Variants in DYSF observed in about 807,000 individuals in gnomAD.
DYSF encodes the protein dystrophy-associated fer-1-like 1.
A neutral mutation model predicts 274.9 loss-of-function variants in DYSF; 212 were observed. That is an observed-to-expected ratio of 0.77 (90% CI 0.69 to 0.86). DYSF has a LOEUF of 0.86. DYSF is among the 40% of genes least tolerant of loss of function. DYSF has a pLI of 0.00. For synonymous variants in DYSF, 1,091 were observed against 1,078.7 expected, an observed-to-expected ratio of 1.01 and a Z score of -0.22; for missense variants, 2,666 against 2,783.2, an observed-to-expected ratio of 0.96 and a Z score of 0.95.
chr2:71,667,613 G>A, intron 48 of DYSF, 98 bp downstream of exon 48: 1 of 1,549,480 alleles, frequency 6.5e-7, no homozygotes, highest in South Asian at 1.2e-5. Context: ...TGGGTCCCTT[G>A]AGATTTGGTC....
intron 29 of DYSF, among the ~76,000 whole-genome samples, chr2:71,571,070 A>G (rs1400524168): frequency 7.0e-5 from 10 of 142,246 alleles, no homozygotes; most frequent in African/African-American, 3.0e-4. Context: ...CACACCCAGC[A>G]CACAGATTAC....
rs182208846 is a variant in DYSF, at chr2:71,620,173, A to G, written c.4465-374A>G. Reference sequence around the variant, plus strand: ...GGGTTGGAGTGTCCCTGAAATAGGCAGATTTTGGAGAGGGAGGGAGGACAT... The same window carrying G: ...GGGTTGGAGTGTCCCTGAAATAGGCGGATTTTGGAGAGGGAGGGAGGACAT... On this transcript the variant is annotated intron_variant, in intron 40 of 55. Transcript: ENST00000410020. Among the ~76,000 whole-genome samples the G allele has an allele frequency of 2.3e-3, 351 of 152,246 alleles. 2 individuals carry two copies. Among genetic ancestry groups the G allele is most frequent in the Middle Eastern group, 0.021 (6 of 292 alleles).
intron 3 of DYSF, among the ~76,000 whole-genome samples, chr2:71,491,449 G>C (rs898159478): frequency 6.6e-6 from 1 of 152,208 alleles, no homozygotes; most frequent in Non-Finnish European, 1.5e-5. Flanking sequence ...GGGTACAGGT[G>C]CAGGTTTCTT....
intron 42 of DYSF, among the ~76,000 whole-genome samples, chr2:71,654,781 T>TA (rs1156653157): frequency 6.8e-6 from 1 of 147,634 alleles, no homozygotes; most frequent in African/African-American, 2.5e-5. Context: ...ATCATTAGGT[T>TA]AAAAAACAAG....
intron 5 of DYSF, 41 bp from the exon 6 acceptor site, chr2:71,513,199 C>T (rs1438210446): frequency 6.5e-7 from 1 of 1,546,164 alleles, no homozygotes; most frequent in East Asian, 2.4e-5. Context: ...ACCCCAACCT[C>T]CTCCCTCCCC....
intron 10 of DYSF, among the ~76,000 whole-genome samples, chr2:71,519,092 CAAAAAAAA>C (rs70959240): frequency 0.049 from 2,911 of 59,648 alleles, 62 homozygotes; most frequent in Admixed American, 0.086. Flanking sequence ...CACTCCATCT[CAAAAAAAA>C]AAAAAAAAAA....
At chr2:71,665,104 C>T (rs2094971523) in intron 46 of DYSF, 58 bp from the exon 47 acceptor site, 3 of 1,610,218 alleles carry the variant, frequency 1.9e-6, no homozygotes, top group Non-Finnish European at 2.5e-6. Context: ...CTGCATGCCC[C>T]TCTACCCTCA....
At chr2:71,660,709 C>CT in intron 45 of DYSF, 58 bp downstream of exon 45, 1 of 1,421,448 alleles carries the variant, frequency 7.0e-7, no homozygotes, top group Non-Finnish European at 9.9e-7. Context: ...AACCCACAGT[C>CT]TAGTGGGGGA....
rs143031134 is a variant in DYSF at position 71,506,153 on chromosome 2, T to G, written c.345+2834T>G. Among the ~76,000 whole-genome samples, 9 of 152,248 alleles carry G rather than the reference T, an allele frequency of 5.9e-5. 1 individual carries two copies. In the East Asian group the frequency reaches 1.7e-3, roughly 29 times the overall value. On this transcript the variant is annotated intron_variant, in intron 4 of 55. Coordinates refer to ENST00000410020, the MANE Select transcript of DYSF (RefSeq NM_001130987.2). ...AGTGGGCTGGTCTGGGTTTTGGTTTTGATGAGCTCAGTGTTGGAGAGCTGT... is the reference window on the plus strand; with the variant it reads ...AGTGGGCTGGTCTGGGTTTTGGTTTGGATGAGCTCAGTGTTGGAGAGCTGT...
intron 41 of DYSF, among the ~76,000 whole-genome samples, chr2:71,637,087 T>C (rs1233039792): frequency 6.6e-6 from 1 of 152,150 alleles, no homozygotes; most frequent in Non-Finnish European, 1.5e-5. Flanking sequence ...TTCTAGAAGT[T>C]TTTCTATAAA....
chr2:71,611,010 G>C, intron 36 of DYSF: 1 of 577,414 alleles, frequency 1.7e-6, no homozygotes, highest in Non-Finnish European at 3.2e-6. Context: ...GTTGGAACAA[G>C]GTGACCTGAA....
At chr2:71,487,335 A>G (rs2083444227) in intron 3 of DYSF, among the ~76,000 whole-genome samples, 1 of 152,114 alleles carries the variant, frequency 6.6e-6, no homozygotes, top group Non-Finnish European at 1.5e-5. Flanking sequence ...TGCATCTAGA[A>G]ATGACCTGGG....
chr2:71,610,553 G>T (rs147571321), intron 36 of DYSF, among the ~76,000 whole-genome samples: 1 of 152,236 alleles, frequency 6.6e-6, no homozygotes, highest in Non-Finnish European at 1.5e-5. Context: ...ACTCTTTCTG[G>T]CAAACTCTTA....
intron 30 of DYSF, among the ~76,000 whole-genome samples, chr2:71,575,006 G>C (rs1177974003): frequency 6.6e-6 from 1 of 152,198 alleles, no homozygotes; most frequent in African/African-American, 2.4e-5. Context: ...CCACTCTGCT[G>C]CTCTGGGGAA....
chr2:71,561,004 C>T (rs73942328), intron 22 of DYSF, among the ~76,000 whole-genome samples: 3,529 of 152,230 alleles, frequency 0.023, 146 homozygotes, highest in African/African-American at 0.079. Flanking sequence ...CTTGGAATGG[C>T]GAGGAGGAGC....
At chr2:71,672,742 G>A (rs2095150632) in intron 51 of DYSF, among the ~76,000 whole-genome samples, 1 of 152,226 alleles carries the variant, frequency 6.6e-6, no homozygotes, top group Non-Finnish European at 1.5e-5. Context: ...GGAGGCTGCT[G>A]GCGGGCCATG....
intron 42 of DYSF, among the ~76,000 whole-genome samples, chr2:71,646,635 A>G (rs1353829207): frequency 2.0e-5 from 3 of 152,214 alleles, no homozygotes; most frequent in Non-Finnish European, 2.9e-5. Context: ...AACAACTCCT[A>G]ATCTAAATAG....
chr2:71,507,129 T>C (rs770629873), intron 4 of DYSF, among the ~76,000 whole-genome samples: 1 of 152,136 alleles, frequency 6.6e-6, no homozygotes. Flanking sequence ...GAGCTGGCAC[T>C]GGGCACGGTG....
chr2:71,617,757 AGGTGGTGTGTGTGGTAGAGGT>A (rs2093927410), intron 40 of DYSF, among the ~76,000 whole-genome samples: 1 of 72,820 alleles, frequency 1.4e-5, no homozygotes, highest in African/African-American at 6.2e-5. Context: ...TGTGGGGTAG[AGGTGGTGTGTGTGGTAGAGGT>A]GGTGTGTGTG....
Sources: gnomAD v4.1 joint callset for allele counts (sites outside exome capture counted in the v4.1 genomes callset) on GRCh38, gnomAD v4.1.1 for gene constraint, MANE v1.5 for transcripts, NCBI Gene and HGNC (gene_info 2026-07-23, HGNC 2026-07-21) for gene names.